Variants in BCL2 observed in about 807,000 individuals in gnomAD.
The protein encoded by BCL2 is apoptosis regulator Bcl-2.
In BCL2, 1 loss-of-function variant was observed where a neutral mutation model predicts 14.2. The ratio of observed to expected loss-of-function variants is 0.07; its 90% CI spans 0.02 to 0.33. The LOEUF is 0.33. BCL2 is among the 10% of genes least tolerant of loss of function. BCL2 has a pLI of 0.99. For synonymous variants in BCL2, 151 were observed against 137.2 expected, an observed-to-expected ratio of 1.10 and a Z score of -0.70; for missense variants, 247 against 305.9, an observed-to-expected ratio of 0.81 and a Z score of 1.44.
chr18:63,318,025 C>A lies in BCL2; in HGVS notation c.585+57G>T, dbSNP rs752219121. 6.3e-7 allele frequency: 1 copy of A among 1,583,040 alleles called. No homozygotes were observed. The highest frequency in any genetic ancestry group is 8.6e-7 in the Non-Finnish European group (1 of 1,160,872). On this transcript the variant is annotated intron_variant, in intron 2 of 2. Coordinates refer to ENST00000333681, the MANE Select transcript of BCL2 (RefSeq NM_000633.3). This position sits in a 1 kb window ranked among gnomAD's most constrained non-coding sequence, Gnocchi z 7.4. ...CCCCAGGAGCCCACCCGCACTCCAA[C>A]CCCCGCATCTCGGACCTGTGGCCTC...
intron 2 of BCL2, chr18:63,317,195 C>T (rs975769301): frequency 6.6e-6 from 1 of 152,202 alleles, no homozygotes; most frequent in African/African-American, 2.4e-5. Context: ...TAATCCACAG[C>T]TAAGAATCAA....
At chr18:63,304,489 G>C (rs1287250155) in intron 2 of BCL2, among the ~76,000 whole-genome samples, 1 of 152,172 alleles carries the variant, frequency 6.6e-6, no homozygotes, top group East Asian at 1.9e-4. Context: ...TACTAAAGGA[G>C]ATAGTGTCTC....
At chr18:63,285,675 T>C (rs1210989381) in intron 2 of BCL2, among the ~76,000 whole-genome samples, 2 of 71,704 alleles carry the variant, frequency 2.8e-5, no homozygotes, top group African/African-American at 8.2e-5. Context: ...CTGAGTTTGG[T>C]TTCACAAACA....
intron 2 of BCL2, among the ~76,000 whole-genome samples, chr18:63,282,852 C>T (rs923575631): frequency 2.6e-5 from 4 of 152,078 alleles, no homozygotes; most frequent in Non-Finnish European, 5.9e-5. Context: ...AATTTATTAT[C>T]CCATTTTAGC....
intron 2 of BCL2, chr18:63,302,708 AG>A (rs1280353515): frequency 6.1e-6 from 6 of 985,104 alleles, no homozygotes; most frequent in Non-Finnish European, 6.0e-6. Flanking sequence ...ATGAGAAAGT[AG>A]GGGGGAAAAA....
intron 2 of BCL2, among the ~76,000 whole-genome samples, chr18:63,208,713 T>G (rs1396867649): frequency 6.6e-6 from 1 of 152,190 alleles, no homozygotes; most frequent in Non-Finnish European, 1.5e-5. Flanking sequence ...AAAGCTGCAT[T>G]GTTCCTAACA....
chr18:63,188,867 T>C (rs1915653715), intron 2 of BCL2, among the ~76,000 whole-genome samples: 2 of 152,068 alleles, frequency 1.3e-5, no homozygotes, highest in Admixed American at 6.5e-5. Context: ...TTTTTCCCTC[T>C]ACAATAAATC....
intron 2 of BCL2, among the ~76,000 whole-genome samples, chr18:63,196,319 A>G (rs1909443567): frequency 6.6e-6 from 1 of 152,206 alleles, no homozygotes; most frequent in Non-Finnish European, 1.5e-5. Flanking sequence ...TCAAATACAC[A>G]TTTTAAAAGG....
At chr18:63,173,457 A>T (rs1915276094) in intron 2 of BCL2, among the ~76,000 whole-genome samples, 1 of 150,024 alleles carries the variant, frequency 6.7e-6, no homozygotes, top group South Asian at 2.1e-4. Flanking sequence ...AGACTAAAAT[A>T]AAAATAAAAA....
chr18:63,259,625 C>G (rs1911595378), intron 2 of BCL2, among the ~76,000 whole-genome samples: 1 of 152,250 alleles, frequency 6.6e-6, no homozygotes, highest in South Asian at 2.1e-4. Context: ...GTAACACCTT[C>G]CAGCCATCCC....
intron 2 of BCL2, among the ~76,000 whole-genome samples, chr18:63,212,196 G>T (rs890713470): frequency 6.6e-6 from 1 of 151,100 alleles, no homozygotes; most frequent in South Asian, 2.1e-4. Context: ...CGTGGTGGCG[G>T]GCGCCTGTAG....
intron 2 of BCL2, among the ~76,000 whole-genome samples, chr18:63,312,271 G>C (rs1417518692): frequency 6.6e-6 from 1 of 152,198 alleles, no homozygotes; most frequent in Non-Finnish European, 1.5e-5. Flanking sequence ...GAATGATAAG[G>C]CAGGTAGGGG....
At chr18:63,245,291 C>G (rs1220060797) in intron 2 of BCL2, among the ~76,000 whole-genome samples, 2 of 152,176 alleles carry the variant, frequency 1.3e-5, no homozygotes, top group Non-Finnish European at 2.9e-5. Context: ...GTTACTTATT[C>G]AAACCTGTGT....
intron 2 of BCL2, among the ~76,000 whole-genome samples, chr18:63,285,443 T>A (rs531341176): frequency 1.3e-5 from 2 of 152,190 alleles, no homozygotes; most frequent in South Asian, 4.2e-4. Context: ...GCTCCCAACA[T>A]CTCCCCAAGA....
intron 2 of BCL2, among the ~76,000 whole-genome samples, chr18:63,152,696 G>T (rs1914679035): frequency 6.6e-6 from 1 of 152,214 alleles, no homozygotes; most frequent in South Asian, 2.1e-4. Flanking sequence ...AGCTTATCAT[G>T]TGCTTGTCCT....
Position 63,146,758 on chromosome 18 carries a change from G to T in BCL2, c.586-17999C>A, listed in dbSNP as rs1914524594. Among the ~76,000 whole-genome samples, 3 of 152,190 alleles carry T rather than the reference G, an allele frequency of 2.0e-5. No individual in the cohort carries two copies. The South Asian group carries it at 6.2e-4, about 32-fold the overall frequency. Reference sequence around the variant, plus strand: ...ATCCTAACCTACTGAAACACCCCGAGAAACTGTGAAAAAAGTATTAGGATC... The same window carrying T: ...ATCCTAACCTACTGAAACACCCCGATAAACTGTGAAAAAAGTATTAGGATC... On this transcript the variant is annotated intron_variant, in intron 2 of 2. Coordinates refer to ENST00000333681, the MANE Select transcript of BCL2 (RefSeq NM_000633.3).
At chr18:63,277,880 G>C (rs776299180) in intron 2 of BCL2, among the ~76,000 whole-genome samples, 1 of 152,086 alleles carries the variant, frequency 6.6e-6, no homozygotes, top group Non-Finnish European at 1.5e-5. Context: ...ACTCTAACGT[G>C]GGGACACGCC....
At chr18:63,167,782 T>G (rs991521603) in intron 2 of BCL2, among the ~76,000 whole-genome samples, 11 of 151,960 alleles carry the variant, frequency 7.2e-5, no homozygotes, top group African/African-American at 2.7e-4. Flanking sequence ...AAAAATTAGC[T>G]GGGTGTGATG....
At chr18:63,306,718 C>A (rs1359399335) in intron 2 of BCL2, among the ~76,000 whole-genome samples, 2 of 152,214 alleles carry the variant, frequency 1.3e-5, no homozygotes, top group Non-Finnish European at 2.9e-5. Context: ...AACATGCTCT[C>A]CTGCAGCTGA....
Sources: allele counts gnomAD v4.1 joint callset (sites outside exome capture counted in the v4.1 genomes callset), GRCh38; gene constraint gnomAD v4.1.1; non-coding constraint Gnocchi (gnomAD v3.1); transcripts MANE v1.5; gene names NCBI Gene and HGNC (gene_info 2026-07-23, HGNC 2026-07-21).